Variants in CARD9 observed in about 807,000 individuals in gnomAD.
CARD9 encodes caspase recruitment domain-containing protein 9.
CARD9 carries 53 observed loss-of-function variants against 66.0 expected under a neutral mutation model. The ratio of observed to expected loss-of-function variants is 0.80; its 90% confidence interval spans 0.64 to 1.01. The LOEUF is 1.01. Among genes scored for constraint, CARD9 ranks in the 50% least tolerant of loss-of-function variants. The pLI is 0.00. For missense variants in CARD9, 769 were observed against 743.2 expected (o/e 1.03, Z -0.40); for synonymous variants, 387 against 313.8 (o/e 1.23, Z -2.47).
At chr9:136,364,620 C>T (rs1042669042) in intron 11 of CARD9, 61 bp from the exon 12 acceptor site, 1 of 1,488,466 alleles carries the variant, frequency 6.7e-7, no homozygotes, top group African/African-American at 1.4e-5. Flanking sequence ...GTCCTTCTCA[C>T]CCGCCCCCCA....
intron 9 of CARD9, 92 bp from the exon 10 acceptor site, chr9:136,366,937 G>A: frequency 6.9e-7 from 1 of 1,455,876 alleles, no homozygotes; most frequent in South Asian, 1.1e-5. Context: ...CCCTCAGCTG[G>A]GTGCAGCCAT....
At chr9:136,368,513 G>A (rs988458732) in intron 7 of CARD9, among the ~76,000 whole-genome samples, 2 of 152,274 alleles carry the variant, frequency 1.3e-5, no homozygotes, top group African/African-American at 4.8e-5. Context: ...GGGGGCCGGG[G>A]CTTCCTTTGT....
Position 136,370,531 on chromosome 9 carries a change from G to A in CARD9, c.798C>T (p.Ala266=), listed in dbSNP as rs1187856731. ...CTGCCTACGGCCCCACCTGGACGGAGGCCTCCAGCTCCTGCACCCGGGCCT... is the reference window on the plus strand; with the variant it reads ...CTGCCTACGGCCCCACCTGGACGGAAGCCTCCAGCTCCTGCACCCGGGCCT... ...LLQARVQELE[A]SVQEGKLDRS... is the part of the protein sequence containing the mutation. The change falls in exon 5 of 13, where the codon GCC becomes GCT. Residue 266 remains alanine, a synonymous_variant. Coordinates refer to ENST00000371732, the MANE Select transcript of CARD9 (RefSeq NM_052813.5). 4 of 1,601,068 alleles carry A rather than the reference G, an allele frequency of 2.5e-6. No individual in the cohort carries two copies. The highest frequency in any genetic ancestry group is 3.4e-6 in the Non-Finnish European group (4 of 1,175,472).
At chr9:136,368,641 A>T (rs933517652) in intron 7 of CARD9, among the ~76,000 whole-genome samples, 2 of 152,198 alleles carry the variant, frequency 1.3e-5, no homozygotes, top group Non-Finnish European at 2.9e-5. Flanking sequence ...GGGACGGGGC[A>T]TGGGAAGCAG....
Position 136,364,168 on chromosome 9 carries a change from A to G in CARD9, c.*134T>C. 1 of 1,550,530 alleles carries G rather than the reference A, an allele frequency of 6.4e-7. No individual in the cohort carries two copies. Among genetic ancestry groups the G allele is most frequent in the African/African-American group, 1.4e-5 (1 of 73,162 alleles). On this transcript the variant is annotated 3_prime_UTR_variant, in exon 13 of 13. Coordinates refer to ENST00000371732, the MANE Select transcript of CARD9 (RefSeq NM_052813.5). ...GCCCGGCAGTCCGGCTGGGCCTTTC[A>G]GGGCACCAGATTCCTCGTTCCAGGC...
At position 136,370,894 on chromosome 9, in the gene CARD9, G is replaced by C. The variant is rs948124005; in HGVS notation, c.574C>G (p.Gln192Glu). 1 of 1,608,932 alleles carries C rather than the reference G, an allele frequency of 6.2e-7. No homozygotes were observed. The highest frequency in any genetic ancestry group is 1.3e-5 in the African/African-American group (1 of 74,862). Residue 192 changes from glutamine to glutamate, a missense_variant, in exon 4 of 13, where the codon CAG (glutamine) becomes GAG (glutamate). Coordinates refer to ENST00000371732, the MANE Select transcript of CARD9 (RefSeq NM_052813.5). ...AGCGCGGCGCCCTTCTCCTCACTCT[G>C]GTGCGCCAGGCGCATGGCCAGGTCG... ...NYDLAMRLAHQSEEKGAALMR... is the reference protein window; with the variant it reads ...NYDLAMRLAHESEEKGAALMR...
intron 11 of CARD9, 166 bp from the exon 12 acceptor site, chr9:136,364,725 T>C: frequency 1.5e-6 from 1 of 688,226 alleles, no homozygotes. Context: ...CCTGTACCCC[T>C]GGAGGTGAGC....
At chr9:136,365,055 G>A (rs1833087245) in intron 11 of CARD9, 86 bp downstream of exon 11, 3 of 1,352,446 alleles carry the variant, frequency 2.2e-6, no homozygotes, top group Admixed American at 1.7e-5. Context: ...CACCGCAGGG[G>A]GTGCCCAGGG....
At chr9:136,369,350 G>A (rs1328265788) in intron 7 of CARD9, among the ~76,000 whole-genome samples, 1 of 152,246 alleles carries the variant, frequency 6.6e-6, no homozygotes, top group Non-Finnish European at 1.5e-5. Context: ...TAGATAGATA[G>A]GTGATAGATG....
intron 7 of CARD9, among the ~76,000 whole-genome samples, chr9:136,369,159 T>A (rs1354004436): frequency 6.6e-6 from 1 of 151,876 alleles, no homozygotes; most frequent in African/African-American, 2.4e-5. Context: ...TCTCACCGTG[T>A]TGCCCAGGCT....
rs915493762 is a variant in CARD9, at chr9:136,363,958, C to T, written c.*344G>A. ...GCGCGCGAGTGTCCGAGCGGGAATG[C>T]GGGTCACCCGTGCTGTTTATTTACG... On this transcript the variant is annotated 3_prime_UTR_variant, in exon 13 of 13. Coordinates refer to ENST00000371732, the MANE Select transcript of CARD9 (RefSeq NM_052813.5). 7 of 1,003,670 alleles carry T rather than the reference C, an allele frequency of 7.0e-6. No homozygotes were observed. Among genetic ancestry groups the T allele is most frequent in the Non-Finnish European group, 9.1e-6 (6 of 658,480 alleles). The allele number at this position is 1,003,670 out of a possible 1,614,324, so 62.2% of individuals were successfully genotyped here. A position where few individuals can be genotyped will look rare whatever the true frequency, so the allele number is the denominator to read the frequency against.
In CARD9 at chr9:136,372,032, C is replaced by T. The variant is rs1833289004; in HGVS notation, c.47G>A (p.Gly16Asp). ...GACCGAGGTGAGCGTCACCCGGAAG[C>T]CCTCCAGGACGCTCCAGCACTCGTC... ...NDDECWSVLEGFRVTLTSVID... is the reference protein window; with the variant it reads ...NDDECWSVLEDFRVTLTSVID... Residue 16 changes from glycine (G) to aspartate (D), a missense_variant, in exon 2 of 13, where the codon GGC becomes GAC. Transcript: ENST00000371732. The T allele has an allele frequency of 1.1e-5, 18 of 1,612,834 alleles. No homozygotes were observed. Among genetic ancestry groups the T allele is most frequent in the Non-Finnish European group, 1.5e-5 (18 of 1,179,972 alleles).
intron 10 of CARD9, 54 bp downstream of exon 10, chr9:136,366,746 G>A (rs1038097759): frequency 6.3e-6 from 10 of 1,590,744 alleles, no homozygotes; most frequent in Non-Finnish European, 8.6e-6. Context: ...CTGAAGATGG[G>A]CCTCACTTGG....
chr9:136,365,382 C>G (rs904579215), intron 10 of CARD9, 165 bp from the exon 11 acceptor site: 1 of 642,514 alleles, frequency 1.6e-6, no homozygotes, highest in African/African-American at 1.8e-5. Context: ...GAGACTGAGG[C>G]CTTATGGCCT....
In CARD9 at chr9:136,369,666, C is replaced by T. The variant is rs976027350; in HGVS notation, c.1077+84G>A. ...AAACAAATAACAAAGATTAAAAATC[C>T]TCTGACAACTGCCCTCAAGGGCCGT... On this transcript the variant is annotated intron_variant, in intron 7 of 12. Coordinates refer to ENST00000371732, the MANE Select transcript of CARD9 (RefSeq NM_052813.5). 3.9e-6 allele frequency: 6 copies of T among 1,533,466 alleles called. No homozygotes were observed. In the African/African-American group the frequency reaches 5.5e-5, roughly 14 times the overall value. The allele number at this position is 1,533,466 out of a possible 1,614,324, so 95.0% of individuals were successfully genotyped here. A position where few individuals can be genotyped will look rare whatever the true frequency, so the allele number is the denominator to read the frequency against.
intron 7 of CARD9, among the ~76,000 whole-genome samples, chr9:136,368,671 C>T (rs1032821476): frequency 2.6e-5 from 4 of 152,234 alleles, no homozygotes; most frequent in African/African-American, 9.6e-5. Context: ...TGCCCCGCGA[C>T]GCTCCATCCG....
At chr9:136,373,070 G>C (rs910551319) in intron 1 of CARD9, among the ~76,000 whole-genome samples, 1 of 152,234 alleles carries the variant, frequency 6.6e-6, no homozygotes. Flanking sequence ...GGCAAGGCTG[G>C]GAGCAGCCAC....
At chr9:136,366,224 TC>T in intron 10 of CARD9, 1 of 162,346 alleles carries the variant, frequency 6.2e-6, no homozygotes, top group Non-Finnish European at 1.4e-5. Flanking sequence ...ACCCAGTCCT[TC>T]CCCCAGACAG....
intron 7 of CARD9, among the ~76,000 whole-genome samples, chr9:136,368,477 G>C (rs1007613876): frequency 4.6e-5 from 7 of 152,348 alleles, no homozygotes; most frequent in Admixed American, 4.6e-4. Context: ...GCTGAGACAG[G>C]AGCTCTGAGC....
Sources: allele counts gnomAD v4.1 joint callset (sites outside exome capture counted in the v4.1 genomes callset), GRCh38; gene constraint gnomAD v4.1.1; transcripts MANE v1.5; gene names NCBI Gene and HGNC (gene_info 2026-07-23, HGNC 2026-07-21).